TENM2: variants seen among roughly 807,000 people sequenced by gnomAD.
The protein encoded by TENM2 is teneurin-2.
Under a neutral mutation model 245.2 loss-of-function variants are expected in TENM2, and 52 were observed. That is an observed-to-expected ratio of 0.21 (90% CI 0.17 to 0.27). The LOEUF is 0.27. Among genes scored for constraint, TENM2 ranks in the 10% least tolerant of loss-of-function variants. The pLI is 1.00. For synonymous variants in TENM2, 1,363 were observed against 1,438.9 expected, an observed-to-expected ratio of 0.95 and a Z score of 1.19; for missense variants, 3,046 against 3,666.8, an observed-to-expected ratio of 0.83 and a Z score of 4.37.
chr5:168,170,206 GA>G (rs1021454521), intron 13 of TENM2, among the ~76,000 whole-genome samples: 1 of 152,218 alleles, frequency 6.6e-6, no homozygotes, highest in Admixed American at 6.5e-5. Context: ...CTGAGGTTTA[GA>G]AAAAAGATAG....
chr5:168,212,587 A>T (rs1383964677), intron 20 of TENM2, among the ~76,000 whole-genome samples: 1 of 152,224 alleles, frequency 6.6e-6, no homozygotes, highest in Non-Finnish European at 1.5e-5. Flanking sequence ...TATTAGGTCA[A>T]AATTAGACAA....
At position 167,438,493 on chromosome 5, in the gene TENM2, G is replaced by A. The variant is rs549026435; in HGVS notation, c.502+63020G>A. 4.0e-5 allele frequency among the ~76,000 whole-genome samples: 6 copies of A among 151,776 alleles called. No individual in the cohort carries two copies. The South Asian group carries it at 1.0e-3, about 26-fold the overall frequency. On this transcript the variant is annotated intron_variant, in intron 2 of 28. Transcript: ENST00000518659. ...TGCAAGCTCTGCCTCCTGAGTTCAC[G>A]GTATTCTCCTGCCTCAGCCTCCCAA...
intron 3 of TENM2, among the ~76,000 whole-genome samples, chr5:167,927,875 C>G: frequency 6.6e-6 from 1 of 152,160 alleles, no homozygotes; most frequent in Non-Finnish European, 1.5e-5. Flanking sequence ...TAAAGCAGAC[C>G]TAGCCTGGTG....
At chr5:167,876,368 G>C (rs1426290819) in intron 3 of TENM2, among the ~76,000 whole-genome samples, 173 bp downstream of exon 5, 1 of 152,196 alleles carries the variant, frequency 6.6e-6, no homozygotes, top group Non-Finnish European at 1.5e-5. Flanking sequence ...ATCTGTAGAA[G>C]GTTGAAGTTA....
intron 27 of TENM2, among the ~76,000 whole-genome samples, chr5:168,253,425 TTTTA>T (rs1417720126): frequency 5.6e-4 from 25 of 44,436 alleles, no homozygotes; most frequent in Middle Eastern, 0.013. Context: ...GCATTCATTA[TTTTA>T]TTTTTTTTTT....
At chr5:167,329,034 G>A (rs1256242447) in intron 1 of TENM2, among the ~76,000 whole-genome samples, 1 of 152,138 alleles carries the variant, frequency 6.6e-6, no homozygotes, top group Admixed American at 6.6e-5. Context: ...AAAGGAGTTA[G>A]TACCTTCCAG....
the TENM2 span, among the ~76,000 whole-genome samples, chr5:167,023,617 G>A: frequency 2.0e-5 from 3 of 152,134 alleles, no homozygotes; most frequent in Non-Finnish European, 4.4e-5. Flanking sequence ...TTACAGTGTT[G>A]ACCAGAACAG....
intron 1 of TENM2, among the ~76,000 whole-genome samples, chr5:167,297,761 T>G (rs1452521911): frequency 1.3e-5 from 2 of 151,940 alleles, no homozygotes; most frequent in Non-Finnish European, 2.9e-5. Flanking sequence ...TGGGGCCATT[T>G]TATAAGATTT....
chr5:167,970,673 T>G (rs1781712287), intron 4 of TENM2, among the ~76,000 whole-genome samples: 1 of 152,140 alleles, frequency 6.6e-6, no homozygotes, highest in South Asian at 2.1e-4. Context: ...ATTGCAGGGG[T>G]CAGATAGCTC....
chr5:168,250,283 G>A lies in TENM2; in HGVS notation c.7432+1912G>A, dbSNP rs1300545388. Among the ~76,000 whole-genome samples, 6 of 152,102 alleles carry A rather than the reference G, an allele frequency of 3.9e-5. No homozygotes were observed. The East Asian group carries it at 1.2e-3, about 29-fold the overall frequency. ...AGATGGATGGTTGGTAGGTAGGTAG[G>A]TAGAGAGAAGGGGAGAGAGAGAGTG... On this transcript the variant is annotated intron_variant, in intron 27 of 28. Transcript: ENST00000518659.
chr5:167,224,730 C>A, the TENM2 span, among the ~76,000 whole-genome samples: 1 of 151,816 alleles, frequency 6.6e-6, no homozygotes, highest in South Asian at 2.1e-4. Context: ...GAAAATTTTT[C>A]TGTGAAAAAT....
At chr5:167,773,255 G>A (rs556893911) in intron 2 of TENM2, among the ~76,000 whole-genome samples, 7 of 152,220 alleles carry the variant, frequency 4.6e-5, no homozygotes, top group African/African-American at 1.7e-4. Context: ...ATGTTTTAAA[G>A]ATATCAAGAC....
chr5:167,075,028 G>A, the TENM2 span, among the ~76,000 whole-genome samples: 8 of 152,204 alleles, frequency 5.3e-5, no homozygotes, highest in South Asian at 1.5e-3. Context: ...TTTTGCTATT[G>A]TTCTTAAGGA....
At chr5:167,206,193 T>G in the TENM2 span, among the ~76,000 whole-genome samples, 1 of 152,290 alleles carries the variant, frequency 6.6e-6, no homozygotes, top group Non-Finnish European at 1.5e-5. Context: ...TCCTCCAACT[T>G]TATCCTGTTC....
intron 5 of TENM2, among the ~76,000 whole-genome samples, chr5:168,021,318 A>G (rs1253757461): frequency 6.6e-6 from 1 of 152,216 alleles, no homozygotes; most frequent in Non-Finnish European, 1.5e-5. Flanking sequence ...GTACTGGATA[A>G]CTAACCAGCA....
chr5:168,203,620 C>G lies in TENM2; in HGVS notation c.3431-69C>G, dbSNP rs765331908. ...GAACACGTGCTTCTCATTCTTGCTA[C>G]AGAGCTCTGGAGTAATCAAGTAAAC... On this transcript the variant is annotated intron_variant, in intron 17 of 28. Transcript: ENST00000518659. The G allele has an allele frequency of 3.5e-4, 498 of 1,429,972 alleles. 3 individuals carry two copies. Among genetic ancestry groups the G allele is most frequent in the Admixed American group, 1.1e-3 (54 of 49,602 alleles). 88.6% of individuals were successfully genotyped at this position (1,429,972 alleles called of 1,614,324 possible).
intron 13 of TENM2, among the ~76,000 whole-genome samples, chr5:168,168,801 A>G (rs770114553): frequency 2.0e-5 from 3 of 152,126 alleles, no homozygotes; most frequent in African/African-American, 7.2e-5. Context: ...TGTTTGTTTC[A>G]AAGTTTAAAA....
At chr5:168,153,434 G>A (rs1756831520) in intron 12 of TENM2, among the ~76,000 whole-genome samples, 1 of 152,212 alleles carries the variant, frequency 6.6e-6, no homozygotes, top group East Asian at 1.9e-4. Flanking sequence ...AATGGAGCAG[G>A]AACCCTGAGC....
chr5:168,244,647 C>A lies in TENM2; in HGVS notation c.5748C>A (p.Asp1916Glu). ...CCATGAGCGAGAGGACAGACATCGA[C>A]AAGCAAGGCCGCATCGTGTCCCGCA... The change falls in exon 26 of 29, where the codon GAC (aspartate) becomes GAA (glutamate). Residue 1916 changes from aspartate to glutamate, a missense_variant. Asp to Glu is a conservative substitution (Grantham distance 45). This residue lies in a region of TENM2 where 2,704 missense variants were observed against 3,331.9 expected (regional missense o/e 0.81). Coordinates refer to ENST00000518659, the Ensembl canonical transcript of TENM2. The surrounding 1 kb of genome is among the most constrained non-coding windows in gnomAD (Gnocchi z 4.9). The A allele has an allele frequency of 6.4e-7, 1 of 1,560,272 alleles. No individual in the cohort carries two copies. Among genetic ancestry groups the A allele is most frequent in the South Asian group, 1.2e-5 (1 of 84,466 alleles).
Sources: allele counts gnomAD v4.1 joint callset (sites outside exome capture counted in the v4.1 genomes callset), GRCh38; gene constraint gnomAD v4.1.1; regional missense constraint gnomAD v4.1.1; non-coding constraint Gnocchi (gnomAD v3.1); transcripts MANE v1.5; gene names NCBI Gene and HGNC (gene_info 2026-07-23, HGNC 2026-07-21).